Variants in CCDC171 observed in about 807,000 individuals in gnomAD.
The protein encoded by CCDC171 is coiled-coil domain-containing protein 171.
CCDC171 carries 177 observed loss-of-function variants against 168.2 expected under a neutral mutation model. That is an observed-to-expected ratio of 1.05 (90% CI 0.93 to 1.19). CCDC171 has a LOEUF of 1.19. CCDC171 is among the 50% of genes most tolerant of loss of function. CCDC171 has a pLI of 0.00. For missense variants in CCDC171, 1,991 were observed against 1,539.0 expected, an observed-to-expected ratio of 1.29 and a Z score of -4.91; for synonymous variants, 687 against 540.8, an observed-to-expected ratio of 1.27 and a Z score of -3.75.
chr9:15,690,613 T>C (rs767926060), intron 10 of CCDC171, among the ~76,000 whole-genome samples: 1 of 152,060 alleles, frequency 6.6e-6, no homozygotes, highest in Non-Finnish European at 1.5e-5. Context: ...AAGGAAAATA[T>C]GACATAAAAA....
chr9:15,710,662 C>G (rs1414950450), intron 11 of CCDC171, among the ~76,000 whole-genome samples: 4 of 151,906 alleles, frequency 2.6e-5, no homozygotes, highest in Non-Finnish European at 4.4e-5. Context: ...GTGGCACAAT[C>G]TCAGCTCACT....
chr9:15,964,298 A>C (rs898215338), intron 25 of CCDC171, among the ~76,000 whole-genome samples: 12 of 152,134 alleles, frequency 7.9e-5, no homozygotes, highest in African/African-American at 2.9e-4. Context: ...TGGGGATTCT[A>C]TGTGTTGCAC....
chr9:15,931,456 C>CTTTTTTTTTTTTTTTTTTTTTT (rs57124025), intron 25 of CCDC171, among the ~76,000 whole-genome samples: 4 of 44,992 alleles, frequency 8.9e-5, no homozygotes, highest in Non-Finnish European at 1.3e-4. Flanking sequence ...TTCTTTCTTT[C>CTTTTTTTTTTTTTTTTTTTTTT]TTTTTTTTTT....
At chr9:16,004,748 G>A (rs1832648683) in intron 3 of CCDC171, among the ~76,000 whole-genome samples, 1 of 152,166 alleles carries the variant, frequency 6.6e-6, no homozygotes, top group Non-Finnish European at 1.5e-5. Flanking sequence ...AGTAAAGTTA[G>A]CAAAGGGTCT....
intron 18 of CCDC171, among the ~76,000 whole-genome samples, chr9:15,765,386 A>T (rs950569364): frequency 6.6e-6 from 1 of 152,150 alleles, no homozygotes; most frequent in Non-Finnish European, 1.5e-5. Context: ...CTTGATAATG[A>T]GGGAAGGCAC....
intron 8 of CCDC171, among the ~76,000 whole-genome samples, chr9:15,662,865 C>CAGCTA (rs2048423582): frequency 6.6e-6 from 1 of 152,048 alleles, no homozygotes; most frequent in Non-Finnish European, 1.5e-5. Context: ...CCTGTAATCC[C>CAGCTA]AGCTACTCAG....
At chr9:15,857,423 C>T (rs1228070075) in intron 23 of CCDC171, among the ~76,000 whole-genome samples, 3 of 151,598 alleles carry the variant, frequency 2.0e-5, no homozygotes, top group Non-Finnish European at 4.4e-5. Context: ...GTAAGGTAGG[C>T]TCCATTTTTT....
chr9:15,958,826 GT>G (rs1320156783), intron 25 of CCDC171, among the ~76,000 whole-genome samples: 1 of 152,074 alleles, frequency 6.6e-6, no homozygotes, highest in Non-Finnish European at 1.5e-5. Flanking sequence ...TATCCAAGGG[GT>G]CATAACAGAA....
At chr9:16,002,458 G>A (rs1394140985) in intron 3 of CCDC171, among the ~76,000 whole-genome samples, 1 of 151,916 alleles carries the variant, frequency 6.6e-6, no homozygotes, top group Non-Finnish European at 1.5e-5. Context: ...TACAGAATAA[G>A]GATATAAGAA....
chr9:15,556,907 T>TA (rs2038849669), intron 1 of CCDC171, among the ~76,000 whole-genome samples: 1 of 152,306 alleles, frequency 6.6e-6, no homozygotes, highest in African/African-American at 2.4e-5. Context: ...CATCTTGACT[T>TA]AATTTTTGTG....
intron 6 of CCDC171, among the ~76,000 whole-genome samples, chr9:16,028,968 T>G (rs1260414830): frequency 1.3e-5 from 2 of 152,110 alleles, no homozygotes; most frequent in Admixed American, 6.5e-5. Context: ...GCCGGTGCCT[T>G]TTTTTCTCTA....
intron 8 of CCDC171, among the ~76,000 whole-genome samples, chr9:15,658,432 A>C (rs1485261107): frequency 9.2e-5 from 14 of 152,202 alleles, no homozygotes; most frequent in Non-Finnish European, 2.1e-4. Flanking sequence ...CGACTGTAGC[A>C]ATGGAAAAGA....
intron 9 of CCDC171, among the ~76,000 whole-genome samples, chr9:15,667,353 A>C (rs1285656343): frequency 2.6e-5 from 4 of 152,102 alleles, no homozygotes; most frequent in Non-Finnish European, 4.4e-5. Flanking sequence ...TCCCTTTTAA[A>C]ATGCTTTATT....
At chr9:15,766,854 G>A (rs1383133734) in intron 18 of CCDC171, among the ~76,000 whole-genome samples, 1 of 152,010 alleles carries the variant, frequency 6.6e-6, no homozygotes, top group Non-Finnish European at 1.5e-5. Flanking sequence ...AGAGATGGGA[G>A]TCTTACTATG....
chr9:15,685,009 T>C (rs113852811), intron 10 of CCDC171, among the ~76,000 whole-genome samples: 1 of 152,188 alleles, frequency 6.6e-6, no homozygotes, highest in Admixed American at 6.5e-5. Flanking sequence ...CCTTTAATCC[T>C]AGGGCAACAA....
At chr9:16,078,553 G>T in the CCDC171 span, among the ~76,000 whole-genome samples, 2 of 152,186 alleles carry the variant, frequency 1.3e-5, no homozygotes, top group African/African-American at 2.4e-5. Context: ...GGAAGTTTTA[G>T]TGATTTGATT....
At chr9:15,846,154 G>T (rs1046546441) in intron 21 of CCDC171, among the ~76,000 whole-genome samples, 1 of 151,926 alleles carries the variant, frequency 6.6e-6, no homozygotes, top group African/African-American at 2.4e-5. Context: ...ATTTTATTTT[G>T]GAGTCCAATT....
intron 18 of CCDC171, among the ~76,000 whole-genome samples, chr9:15,763,834 G>T (rs1011810715): frequency 6.6e-6 from 1 of 152,076 alleles, no homozygotes; most frequent in African/African-American, 2.4e-5. Context: ...CATTAGAGTT[G>T]TTTCTACTTT....
rs1003513616 is a variant in CCDC171 at position 15,748,762 on chromosome 9, C to A, written c.2671+3131C>A. Among the ~76,000 whole-genome samples the A allele has an allele frequency of 3.9e-5, 6 of 152,120 alleles. 1 individual carries two copies. Among genetic ancestry groups the A allele is most frequent in the Non-Finnish European group, 8.8e-5 (6 of 68,026 alleles). On this transcript the variant is annotated intron_variant, in intron 18 of 25. Coordinates refer to ENST00000380701, the MANE Select transcript of CCDC171 (RefSeq NM_173550.4). ...AAGGAGAAATAAAATCCTTTACAGA[C>A]AAGCAAATGCTGAGAGATTTTGTCA...
Sources: gnomAD v4.1 joint callset for allele counts (sites outside exome capture counted in the v4.1 genomes callset) on GRCh38, gnomAD v4.1.1 for gene constraint, MANE v1.5 for transcripts, NCBI Gene and HGNC (gene_info 2026-07-23, HGNC 2026-07-21) for gene names.